Variants in ARHGAP42 observed in about 807,000 individuals in gnomAD.
ARHGAP42 encodes Rho GTPase activating protein 42.
ARHGAP42 carries 63 observed loss-of-function variants against 125.0 expected under a neutral mutation model. The observed-to-expected ratio is 0.50, with a 90% confidence interval of 0.41 to 0.62. The LOEUF (loss-of-function observed/expected upper bound fraction) is 0.62, where lower values mean the gene tolerates loss of function less well. ARHGAP42 is among the 20% of genes least tolerant of loss of function. The pLI, the probability that ARHGAP42 is intolerant of heterozygous loss-of-function variation, is 0.00. For missense variants in ARHGAP42, 766 were observed against 1,024.2 expected (o/e 0.75, Z 3.44); for synonymous variants, 339 against 351.0 (o/e 0.97, Z 0.38).
At chr11:100,828,785 T>C (rs956922939) in intron 3 of ARHGAP42, among the ~76,000 whole-genome samples, 1 of 151,592 alleles carries the variant, frequency 6.6e-6, no homozygotes, top group Non-Finnish European at 1.5e-5. Flanking sequence ...ACACCTGTGC[T>C]CAAGTGATCC....
chr11:100,876,503 T>A (rs1343647571), intron 4 of ARHGAP42, among the ~76,000 whole-genome samples: 1 of 152,248 alleles, frequency 6.6e-6, no homozygotes, highest in Non-Finnish European at 1.5e-5. Flanking sequence ...ACATTTGTTA[T>A]TTTAAGTAAG....
intron 8 of ARHGAP42, among the ~76,000 whole-genome samples, chr11:100,936,992 G>T (rs541459411): frequency 1.4e-4 from 21 of 152,194 alleles, no homozygotes; most frequent in African/African-American, 4.6e-4. Context: ...CATCATTCTC[G>T]TGCTGTTTTT....
chr11:100,733,689 G>A (rs577504267), intron 1 of ARHGAP42, among the ~76,000 whole-genome samples: 1 of 151,744 alleles, frequency 6.6e-6, no homozygotes, highest in Non-Finnish European at 1.5e-5. Flanking sequence ...GCTGAGTGTG[G>A]TGGCACATGC....
intron 4 of ARHGAP42, among the ~76,000 whole-genome samples, chr11:100,901,228 GAACAGCAAATATCGCAC>G (rs1866536946): frequency 6.6e-6 from 1 of 152,212 alleles, no homozygotes; most frequent in Admixed American, 6.5e-5. Context: ...GGAGGCAGCA[GAACAGCAAATATCGCAC>G]AACAGCAAAT....
chr11:100,770,918 G>GTGTT (rs144822148), intron 2 of ARHGAP42, among the ~76,000 whole-genome samples: 2,769 of 152,250 alleles, frequency 0.018, 79 homozygotes, highest in African/African-American at 0.062. Flanking sequence ...TCGAAGCTCT[G>GTGTT]TGTTTGTTTG....
intron 4 of ARHGAP42, among the ~76,000 whole-genome samples, chr11:100,884,867 G>A (rs1414514318): frequency 6.6e-6 from 1 of 152,150 alleles, no homozygotes; most frequent in Non-Finnish European, 1.5e-5. Context: ...GTGAAAATAG[G>A]AAACATTTGA....
intron 3 of ARHGAP42, among the ~76,000 whole-genome samples, chr11:100,846,278 C>G (rs1053262267): frequency 2.0e-5 from 3 of 152,136 alleles, no homozygotes; most frequent in Non-Finnish European, 4.4e-5. Flanking sequence ...CATACTGAAT[C>G]CATGCATTTC....
intron 4 of ARHGAP42, among the ~76,000 whole-genome samples, chr11:100,902,270 A>G (rs1299055970): frequency 6.6e-6 from 1 of 152,230 alleles, no homozygotes; most frequent in Non-Finnish European, 1.5e-5. Context: ...GTTTTAGTCT[A>G]GACTCCATCC....
At chr11:100,695,842 G>A (rs901506577) in intron 1 of ARHGAP42, among the ~76,000 whole-genome samples, 9 of 152,146 alleles carry the variant, frequency 5.9e-5, no homozygotes, top group African/African-American at 2.2e-4. Context: ...ACACATAAGA[G>A]AGGAAAAATA....
At chr11:100,694,986 G>A (rs948027475) in intron 1 of ARHGAP42, among the ~76,000 whole-genome samples, 4 of 152,218 alleles carry the variant, frequency 2.6e-5, no homozygotes, top group South Asian at 2.1e-4. Context: ...AGCTGAGATC[G>A]CGCCATTGCG....
intron 1 of ARHGAP42, among the ~76,000 whole-genome samples, chr11:100,736,211 A>G (rs1862064705): frequency 6.6e-6 from 1 of 152,212 alleles, no homozygotes. Context: ...TTGAGCAACA[A>G]GGAATAGAGA....
chr11:100,858,492 T>A (rs978792138), intron 3 of ARHGAP42, among the ~76,000 whole-genome samples: 7 of 152,100 alleles, frequency 4.6e-5, no homozygotes, highest in Non-Finnish European at 1.0e-4. Context: ...CTGTGTGCAT[T>A]TGTGTATTAT....
In ARHGAP42 at chr11:100,941,820, C is replaced by T. The variant is rs1424258366; in HGVS notation, c.869C>T (p.Thr290Ile). The T allele has an allele frequency of 2.6e-6, 4 of 1,535,944 alleles. No homozygotes were observed. In the East Asian group the frequency reaches 9.9e-5, roughly 38 times the overall value. ...LGFTWIKHYC[T>I]YDKGSKTFTM... ...TTTACATGGATTAAACATTATTGTA[C>T]ATATGATAAGGGAAGTAAAACATTT... The change falls in exon 9 of 24, where the codon ACA becomes ATA. Residue 290 changes from threonine (T) to isoleucine (I), a missense_variant. Physicochemically the swap from Thr to Ile is moderately conservative, Grantham distance 89. Transcript: ENST00000298815.
intron 4 of ARHGAP42, among the ~76,000 whole-genome samples, chr11:100,895,854 A>G (rs980634908): frequency 6.6e-6 from 1 of 151,942 alleles, no homozygotes; most frequent in Non-Finnish European, 1.5e-5. Context: ...TTTATTTTTT[A>G]TTATACTTCA....
rs548853567 is a variant in ARHGAP42 at position 100,907,263 on chromosome 11, C to T, written c.385-6189C>T. 1.1e-4 allele frequency among the ~76,000 whole-genome samples: 17 copies of T among 152,330 alleles called. No individual in the cohort carries two copies. The South Asian group carries it at 3.3e-3, about 30-fold the overall frequency. ...TGAACAACTCTTCATATGCATGTTA[C>T]ACTTCGGGTTTCCTCTTTTGTGTAT... On this transcript the variant is annotated intron_variant, in intron 4 of 23. Coordinates refer to ENST00000298815, the MANE Select transcript of ARHGAP42 (RefSeq NM_152432.4).
chr11:100,972,766 T>C (rs911693286), intron 17 of ARHGAP42, among the ~76,000 whole-genome samples: 1 of 152,146 alleles, frequency 6.6e-6, no homozygotes, highest in African/African-American at 2.4e-5. Context: ...AATACAATAA[T>C]ATGTAGGAAA....
In ARHGAP42 at chr11:100,993,341, A is replaced by ATAT. The variant is rs1462549002; in HGVS notation, c.*4540_*4541insTAT. 2.4e-5 allele frequency: 4 copies of ATAT among 163,460 alleles called. No homozygotes were observed. Among genetic ancestry groups the ATAT allele is most frequent in the Non-Finnish European group, 6.0e-5 (4 of 66,344 alleles). 10.1% of individuals were successfully genotyped at this position (163,460 alleles called of 1,614,324 possible). ...GGCAGCATATACATATATATATATA[A>ATAT]AATGCACACTTTTAATCTCTATATG... On this transcript the variant is annotated 3_prime_UTR_variant, in exon 24 of 24. Transcript: ENST00000298815.
intron 11 of ARHGAP42, among the ~76,000 whole-genome samples, chr11:100,949,201 C>A (rs140041923): frequency 1.3e-5 from 2 of 152,086 alleles, no homozygotes; most frequent in East Asian, 3.9e-4. Flanking sequence ...TGGCAAAGAA[C>A]CTGTACAGCA....
At chr11:100,886,956 T>A (rs961775431) in intron 4 of ARHGAP42, among the ~76,000 whole-genome samples, 2 of 152,130 alleles carry the variant, frequency 1.3e-5, no homozygotes, top group Non-Finnish European at 2.9e-5. Context: ...AATACAAAGC[T>A]GTGTTTGTAA....
Sources: allele counts gnomAD v4.1 joint callset (sites outside exome capture counted in the v4.1 genomes callset), GRCh38; gene constraint gnomAD v4.1.1; transcripts MANE v1.5; gene names NCBI Gene and HGNC (gene_info 2026-07-23, HGNC 2026-07-21).